TAF2: variants seen among roughly 807,000 people sequenced by gnomAD.
The protein encoded by TAF2 is TATA-box binding protein associated factor 2.
In TAF2, 61 loss-of-function variants were observed where a neutral mutation model predicts 138.5. The observed-to-expected ratio is 0.44, with a 90% CI of 0.36 to 0.54. The LOEUF is 0.54. TAF2 is among the 20% of genes least tolerant of loss of function. The probability of loss-of-function intolerance (pLI) is 0.00; values close to 1 mark genes in which losing one functional copy is unlikely to be tolerated. For synonymous variants in TAF2, 475 were observed against 469.9 expected (o/e 1.01, Z -0.14); for missense variants, 1,090 against 1,427.9 (o/e 0.76, Z 3.81).
At chr8:119,783,747 A>G in intron 15 of TAF2, 114 bp from the exon 16 acceptor site, 1 of 1,281,272 alleles carries the variant, frequency 7.8e-7, no homozygotes, top group Non-Finnish European at 1.1e-6. Context: ...TGTAGTATTC[A>G]AGACTGCCTG....
Position 119,760,599 on chromosome 8 carries a change from C to T in TAF2, c.2698G>A (p.Val900Met). 6.2e-7 allele frequency: 1 copy of T among 1,612,750 alleles called. No homozygotes were observed. The highest frequency in any genetic ancestry group is 8.5e-7 in the Non-Finnish European group (1 of 1,179,862). ...TGAGCACGTATTTCTAAAGTATTACCTTTAGTATAATCAACAACTGCTTCC... is the reference window on the plus strand; with the variant it reads ...TGAGCACGTATTTCTAAAGTATTACTTTTAGTATAATCAACAACTGCTTCC... ...ALEAVVDYTKVDRSYEELQWL... is the reference protein window; with the variant it reads ...ALEAVVDYTKMDRSYEELQWL... The change falls in exon 20 of 26, where the codon GTG becomes ATG. Residue 900 changes from valine to methionine, a missense_variant and splice_region_variant. This residue lies in a region of TAF2 where 580 missense variants were observed against 719.6 expected (regional missense o/e 0.81). Coordinates refer to ENST00000378164, the MANE Select transcript of TAF2 (RefSeq NM_003184.4).
chr8:119,774,792 T>A (rs1030891896), intron 18 of TAF2, among the ~76,000 whole-genome samples: 2 of 152,144 alleles, frequency 1.3e-5, no homozygotes, highest in Non-Finnish European at 2.9e-5. Flanking sequence ...GTAGTTATAG[T>A]GTTCCATGAG....
At chr8:119,819,219 A>G (rs1236139884) in intron 3 of TAF2, 127 bp downstream of exon 3, 4 of 966,662 alleles carry the variant, frequency 4.1e-6, no homozygotes, top group Non-Finnish European at 6.3e-6. Flanking sequence ...GGTAAAACAG[A>G]TAAAGATTGG....
intron 18 of TAF2, among the ~76,000 whole-genome samples, chr8:119,764,856 C>A (rs916553389): frequency 6.6e-6 from 1 of 151,982 alleles, no homozygotes; most frequent in African/African-American, 2.4e-5. Flanking sequence ...AAAGAAAATT[C>A]AAGTGTAGGG....
At position 119,759,573 on chromosome 8, in the gene TAF2, T is replaced by C. The variant is rs1820922490; in HGVS notation, c.2698+1026A>G. ...CTTCTATTTTCATATTTTTTAAAAA[T>C]TATTTTTGAAATATGCATTACATTT... On this transcript the variant is annotated intron_variant, in intron 20 of 25. Coordinates refer to ENST00000378164, the MANE Select transcript of TAF2 (RefSeq NM_003184.4). Among the ~76,000 whole-genome samples the C allele has an allele frequency of 3.3e-5, 5 of 152,266 alleles. No homozygotes were observed. The South Asian group carries it at 1.0e-3, about 32-fold the overall frequency.
chr8:119,733,377 A>T (rs1440995324), intron 25 of TAF2, among the ~76,000 whole-genome samples: 1 of 152,196 alleles, frequency 6.6e-6, no homozygotes, highest in Non-Finnish European at 1.5e-5. Context: ...AGATGAGAGT[A>T]GTGTCAGTAC....
intron 15 of TAF2, among the ~76,000 whole-genome samples, chr8:119,784,207 A>C (rs12543087): frequency 0.27 from 41,327 of 152,106 alleles, 6,878 homozygotes; most frequent in Admixed American, 0.46. Context: ...AATTCAGCAA[A>C]TATTATTGTG....
At chr8:119,778,653 G>A (rs978151917) in intron 17 of TAF2, among the ~76,000 whole-genome samples, 1 of 152,142 alleles carries the variant, frequency 6.6e-6, no homozygotes, top group Non-Finnish European at 1.5e-5. Context: ...CCAACCTTCA[G>A]TCTTAGAACA....
At chr8:119,781,357 A>C (rs1355968341) in intron 16 of TAF2, among the ~76,000 whole-genome samples, 164 bp from the exon 17 acceptor site, 1 of 152,152 alleles carries the variant, frequency 6.6e-6, no homozygotes, top group Non-Finnish European at 1.5e-5. Flanking sequence ...CATTTCCAAG[A>C]AATTATACAA....
At chr8:119,825,909 G>T (rs1331654844) in intron 2 of TAF2, among the ~76,000 whole-genome samples, 2 of 151,256 alleles carry the variant, frequency 1.3e-5, no homozygotes, top group African/African-American at 4.9e-5. Flanking sequence ...AGCCAGGATG[G>T]TCTCGATCTC....
At chr8:119,769,838 A>C (rs1586376251) in intron 18 of TAF2, among the ~76,000 whole-genome samples, 1 of 151,360 alleles carries the variant, frequency 6.6e-6, no homozygotes, top group East Asian at 1.9e-4. Context: ...GCTCACTGCA[A>C]CCTCCGCCTC....
chr8:119,746,073 T>C (rs1819944622), intron 23 of TAF2, among the ~76,000 whole-genome samples: 1 of 152,092 alleles, frequency 6.6e-6, no homozygotes, highest in South Asian at 2.1e-4. Flanking sequence ...GGTTAATATG[T>C]AATAGGTTAA....
intron 6 of TAF2, among the ~76,000 whole-genome samples, chr8:119,799,036 T>A (rs1487246957): frequency 6.6e-6 from 1 of 152,158 alleles, no homozygotes; most frequent in Non-Finnish European, 1.5e-5. Flanking sequence ...GAAGACTAAG[T>A]CAGGAAAAAC....
intron 4 of TAF2, among the ~76,000 whole-genome samples, chr8:119,805,975 G>C (rs1056575884): frequency 6.6e-6 from 1 of 151,512 alleles, no homozygotes; most frequent in African/African-American, 2.4e-5. Context: ...TGCGATCTCA[G>C]CTCACTGCAA....
intron 20 of TAF2, among the ~76,000 whole-genome samples, chr8:119,759,175 A>G (rs1820893467): frequency 6.6e-6 from 1 of 152,160 alleles, no homozygotes; most frequent in Admixed American, 6.5e-5. Context: ...TACATTTAAC[A>G]ACAAAATCAC....
Position 119,797,102 on chromosome 8 carries a change from T to C in TAF2, c.979A>G (p.Thr327Ala). The change falls in exon 8 of 26, where the codon ACA becomes GCA. Residue 327 changes from threonine (T) to alanine (A), a missense_variant and splice_region_variant. Transcript: ENST00000378164. ...ATCATGGCACTGTGTAAAAGATTTG[T>C]GCTGGAATTTAAAAGAGAAGAAAGC... is the stretch of plus-strand genomic sequence containing the variant. The part of the protein sequence containing the change: ...AAYASMSIFS[T>A]NLLHSAMIID... 6.2e-7 allele frequency: 1 copy of C among 1,604,902 alleles called. No homozygotes were observed. The highest frequency in any genetic ancestry group is 8.5e-7 in the Non-Finnish European group (1 of 1,172,046).
chr8:119,765,631 T>TC (rs1372198677), intron 18 of TAF2, among the ~76,000 whole-genome samples: 1 of 152,112 alleles, frequency 6.6e-6, no homozygotes, highest in Non-Finnish European at 1.5e-5. Flanking sequence ...CACTGGACAG[T>TC]CTTTGAAGGT....
At chr8:119,814,068 A>AGTTCAAG (rs1825281234) in intron 3 of TAF2, among the ~76,000 whole-genome samples, 1 of 152,178 alleles carries the variant, frequency 6.6e-6, no homozygotes, top group Non-Finnish European at 1.5e-5. Context: ...GGCTGCAGTA[A>AGTTCAAG]GCTATGATTA....
chr8:119,805,599 G>C (rs1259046099), intron 4 of TAF2, among the ~76,000 whole-genome samples: 2 of 151,890 alleles, frequency 1.3e-5, no homozygotes, highest in Non-Finnish European at 2.9e-5. Flanking sequence ...CTAGCTACTC[G>C]GTGGCTGCGG....
Sources: gnomAD v4.1 joint callset for allele counts (sites outside exome capture counted in the v4.1 genomes callset) on GRCh38, gnomAD v4.1.1 for gene constraint, gnomAD v4.1.1 regional missense constraint, MANE v1.5 for transcripts, NCBI Gene and HGNC (gene_info 2026-07-23, HGNC 2026-07-21) for gene names.